The following CPE variants were observed in gnomAD, a reference collection of about 807,000 sequenced individuals.
The protein encoded by CPE is carboxypeptidase E.
In CPE, 17 loss-of-function variants were observed where a neutral mutation model predicts 53.5. The ratio of observed to expected loss-of-function variants is 0.32; its 90% CI spans 0.22 to 0.48. The LOEUF (loss-of-function observed/expected upper bound fraction) is 0.48. Ranked by LOEUF, CPE falls within the 20% of genes least tolerant of loss-of-function variation. The pLI is 0.99. For synonymous variants in CPE, 226 were observed against 228.8 expected (o/e 0.99, Z 0.11); for missense variants, 524 against 614.7 (o/e 0.85, Z 1.56).
At chr4:165,429,399 T>C (rs1024802747) in intron 1 of CPE, among the ~76,000 whole-genome samples, 2 of 152,222 alleles carry the variant, frequency 1.3e-5, no homozygotes, top group Admixed American at 1.3e-4. Flanking sequence ...CTTTGCTTTT[T>C]TAAACATACT....
intron 3 of CPE, among the ~76,000 whole-genome samples, chr4:165,478,173 T>C (rs866775712): frequency 1.3e-5 from 2 of 152,232 alleles, no homozygotes; most frequent in Non-Finnish European, 2.9e-5. Context: ...ACATCATATT[T>C]GAGCTGTATT....
At chr4:165,488,826 C>A (rs1732552762) in intron 6 of CPE, among the ~76,000 whole-genome samples, 2 of 151,108 alleles carry the variant, frequency 1.3e-5, no homozygotes, top group African/African-American at 2.4e-5. Flanking sequence ...CTTGCTATGG[C>A]CTCCTTTGAA....
chr4:165,495,770 A>C (rs762430160), intron 8 of CPE, 93 bp downstream of exon 8: 3 of 861,440 alleles, frequency 3.5e-6, no homozygotes, highest in Admixed American at 5.6e-5. Context: ...TAATCTTCGT[A>C]CTAGCCCTAT....
chr4:165,434,021 T>A (rs1251917544), intron 1 of CPE, among the ~76,000 whole-genome samples: 1 of 152,234 alleles, frequency 6.6e-6, no homozygotes, highest in African/African-American at 2.4e-5. Context: ...TCCTAACCCC[T>A]GCTCAACCTT....
intron 1 of CPE, among the ~76,000 whole-genome samples, chr4:165,413,129 A>G (rs778472902): frequency 1.6e-4 from 24 of 152,298 alleles, no homozygotes; most frequent in Admixed American, 3.3e-4. Flanking sequence ...TGTATATGCC[A>G]GTTCCCTGGC....
At chr4:165,401,423 G>C (rs990683496) in intron 1 of CPE, among the ~76,000 whole-genome samples, 2 of 152,216 alleles carry the variant, frequency 1.3e-5, no homozygotes, top group African/African-American at 4.8e-5. Flanking sequence ...GCATTGGAGT[G>C]AGACATAAGG....
intron 2 of CPE, among the ~76,000 whole-genome samples, chr4:165,466,059 T>C (rs1270340733): frequency 6.6e-6 from 1 of 152,174 alleles, no homozygotes; most frequent in Non-Finnish European, 1.5e-5. Flanking sequence ...CTCTTAATAA[T>C]GGGGAAGCAT....
At chr4:165,456,209 A>G (rs1387523631) in intron 1 of CPE, among the ~76,000 whole-genome samples, 1 of 152,176 alleles carries the variant, frequency 6.6e-6, no homozygotes, top group African/African-American at 2.4e-5. Flanking sequence ...GAAAAACTAT[A>G]TAATAGGTTA....
At chr4:165,485,487 T>G (rs2126713180) in intron 5 of CPE, among the ~76,000 whole-genome samples, 1 of 152,316 alleles carries the variant, frequency 6.6e-6, no homozygotes, top group Non-Finnish European at 1.5e-5. Flanking sequence ...AATTCTGTTT[T>G]TATTTATATT....
At chr4:165,485,007 C>G (rs1403098093) in intron 5 of CPE, among the ~76,000 whole-genome samples, 1 of 152,080 alleles carries the variant, frequency 6.6e-6, no homozygotes. Context: ...TTTAGCATAA[C>G]CTGGTGCACA....
At chr4:165,474,370 A>G (rs140064525) in intron 3 of CPE, among the ~76,000 whole-genome samples, 1 of 152,284 alleles carries the variant, frequency 6.6e-6, no homozygotes, top group East Asian at 1.9e-4. Context: ...GGGGGAGTCA[A>G]ATGTTTCTGT....
chr4:165,422,716 G>C (rs937846044), intron 1 of CPE, among the ~76,000 whole-genome samples: 7 of 152,050 alleles, frequency 4.6e-5, no homozygotes, highest in Non-Finnish European at 1.0e-4. Context: ...GGTGGCTCAG[G>C]CCTGTAATCC....
intron 1 of CPE, among the ~76,000 whole-genome samples, chr4:165,441,356 T>C (rs1246439012): frequency 1.3e-5 from 2 of 152,180 alleles, no homozygotes; most frequent in African/African-American, 4.8e-5. Flanking sequence ...TAGCACTTGG[T>C]GGACCTTGGC....
chr4:165,486,909 A>G (rs558254297), intron 5 of CPE, among the ~76,000 whole-genome samples: 1 of 152,292 alleles, frequency 6.6e-6, no homozygotes, highest in South Asian at 2.1e-4. Flanking sequence ...TGGCAAAGAA[A>G]TCTCCTAAAA....
intron 6 of CPE, among the ~76,000 whole-genome samples, chr4:165,492,961 G>A (rs1732633226): frequency 6.6e-6 from 1 of 152,138 alleles, no homozygotes; most frequent in Admixed American, 6.5e-5. Flanking sequence ...AAGCAAACAA[G>A]ACATTAATTT....
chr4:165,454,706 G>A (rs978082257), intron 1 of CPE, among the ~76,000 whole-genome samples: 5 of 152,116 alleles, frequency 3.3e-5, no homozygotes, highest in African/African-American at 1.2e-4. Context: ...ATGGACTAGT[G>A]TTTTTCCATT....
At chr4:165,401,732 A>G (rs1730871931) in intron 1 of CPE, among the ~76,000 whole-genome samples, 2 of 152,172 alleles carry the variant, frequency 1.3e-5, no homozygotes, top group African/African-American at 4.8e-5. Flanking sequence ...ATACTTTTGG[A>G]AAGATTGAGT....
In CPE at chr4:165,493,216, C is replaced by T; in HGVS notation, c.1159C>T (p.Pro387Ser). The T allele has an allele frequency of 6.2e-7, 1 of 1,614,022 alleles. No homozygotes were observed. The highest frequency in any genetic ancestry group is 8.5e-7 in the Non-Finnish European group (1 of 1,179,960). ...ATTTGTCCGAGACCTTCAAGGTAAC[C>T]CAATTGCGAATGCCACCATCTCCGT... ...KGFVRDLQGN[P>S]IANATISVEG... Residue 387 changes from proline (P) to serine (S), a missense_variant, in exon 7 of 9, where the codon CCA becomes TCA. Coordinates refer to ENST00000402744, the MANE Select transcript of CPE (RefSeq NM_001873.4).
chr4:165,407,929 C>T (rs1020618707), intron 1 of CPE, among the ~76,000 whole-genome samples: 1 of 151,872 alleles, frequency 6.6e-6, no homozygotes, highest in African/African-American at 2.4e-5. Context: ...GATCCTCTCA[C>T]CTCAGCCTCC....
Sources: gnomAD v4.1 joint callset for allele counts (sites outside exome capture counted in the v4.1 genomes callset) on GRCh38, gnomAD v4.1.1 for gene constraint, MANE v1.5 for transcripts, NCBI Gene and HGNC (gene_info 2026-07-23, HGNC 2026-07-21) for gene names.